Variants in MYCBP2 observed in about 807,000 individuals in gnomAD.
MYCBP2 encodes E3 ubiquitin-protein ligase MYCBP2.
MYCBP2 carries 120 observed loss-of-function variants against 525.3 expected under a neutral mutation model. That is an observed-to-expected ratio of 0.23 (90% CI 0.20 to 0.27). The LOEUF (loss-of-function observed/expected upper bound fraction) is 0.27. MYCBP2 is among the 10% of genes least tolerant of loss of function. MYCBP2 has a pLI of 1.00. For missense variants in MYCBP2, 4,149 were observed against 5,657.1 expected (o/e 0.73, Z 8.55); for synonymous variants, 1,894 against 1,955.8 (o/e 0.97, Z 0.83).
chr13:77,161,861 T>C, intron 44 of MYCBP2, 45 bp downstream of exon 44: 1 of 1,474,948 alleles, frequency 6.8e-7, no homozygotes, highest in Non-Finnish European at 9.4e-7. Flanking sequence ...CAATACTTTT[T>C]AAATTAATGT....
rs764727887 is a variant in MYCBP2, at chr13:77,217,978, G to T, written c.2940-21C>A. ...ATCCCCTAGGTTAAAAAAAAAAAAA[G>T]TAAGTCAATTTCTTACAAAACTCAA... On this transcript the variant is annotated intron_variant, in intron 20 of 82. Coordinates refer to ENST00000544440, the MANE Select transcript of MYCBP2 (RefSeq NM_015057.5). 15 of 1,312,628 alleles carry T rather than the reference G, an allele frequency of 1.1e-5. No homozygotes were observed. The African/African-American group carries it at 1.8e-4, about 16-fold the overall frequency. 81.3% of individuals were successfully genotyped at this position (1,312,628 alleles called of 1,614,324 possible). A position where few individuals can be genotyped will look rare whatever the true frequency, so the allele number is the denominator to read the frequency against.
chr13:77,047,885 C>T (rs1011811227), intron 82 of MYCBP2, among the ~76,000 whole-genome samples: 1 of 152,096 alleles, frequency 6.6e-6, no homozygotes, highest in African/African-American at 2.4e-5. Context: ...CTTTCCAGTC[C>T]ATAAAAACCC....
intron 4 of MYCBP2, among the ~76,000 whole-genome samples, chr13:77,278,119 T>C (rs911177945): frequency 5.9e-5 from 9 of 152,200 alleles, no homozygotes; most frequent in Non-Finnish European, 1.0e-4. Flanking sequence ...TTATTTATGA[T>C]GAATACAAAA....
chr13:77,164,063 T>A (rs1478623680), intron 43 of MYCBP2, among the ~76,000 whole-genome samples: 1 of 152,248 alleles, frequency 6.6e-6, no homozygotes, highest in African/African-American at 2.4e-5. Flanking sequence ...CATATTCAAT[T>A]ACATTTCTAT....
At chr13:77,237,707 C>T (rs2068134074) in intron 17 of MYCBP2, among the ~76,000 whole-genome samples, 1 of 152,058 alleles carries the variant, frequency 6.6e-6, no homozygotes. Context: ...ACACCAATAT[C>T]TATCACAGTA....
chr13:77,118,271 T>C (rs950083799), intron 55 of MYCBP2: 2 of 641,452 alleles, frequency 3.1e-6, no homozygotes, highest in African/African-American at 3.6e-5. Flanking sequence ...AACTAATTAG[T>C]AACTGATAAG....
chr13:77,158,234 C>T (rs2057449138), intron 44 of MYCBP2, 125 bp from the exon 45 acceptor site: 3 of 511,778 alleles, frequency 5.9e-6, no homozygotes, highest in Non-Finnish European at 6.4e-6. Context: ...ACGTACCCCA[C>T]TGTTCCTTCT....
chr13:77,221,915 C>T (rs531931692), intron 20 of MYCBP2, among the ~76,000 whole-genome samples: 1 of 152,236 alleles, frequency 6.6e-6, no homozygotes, highest in South Asian at 2.1e-4. Flanking sequence ...AACTACACAT[C>T]CTCCTGTATA....
chr13:77,177,998 T>A, intron 34 of MYCBP2, 44 bp from the exon 35 acceptor site: 1 of 1,171,756 alleles, frequency 8.5e-7, no homozygotes, highest in Non-Finnish European at 1.3e-6. Context: ...GGTATACCTT[T>A]AACAAAACCA....
At chr13:77,224,358 A>G (rs2065973834) in intron 20 of MYCBP2, 93 bp downstream of exon 20, 2 of 781,586 alleles carry the variant, frequency 2.6e-6, no homozygotes, top group Admixed American at 2.7e-5. Flanking sequence ...TTCTAGAAAT[A>G]TATACTTAAA....
intron 32 of MYCBP2, 82 bp downstream of exon 32, chr13:77,185,021 T>C (rs912111017): frequency 1.6e-6 from 2 of 1,251,972 alleles, no homozygotes; most frequent in South Asian, 1.5e-5. Context: ...GTTAAGAAGA[T>C]ATGGCAACTG....
rs369203327 is a variant in MYCBP2, at chr13:77,166,389, T to C, written c.6280A>G (p.Ile2094Val). Residue 2094 changes from isoleucine (I) to valine (V), a missense_variant, in exon 41 of 83, where the codon ATA becomes GTA. Around this residue, in one of 21 missense-constraint regions of MYCBP2, gnomAD observed 692 missense variants for 852.7 expected, o/e 0.81. Coordinates refer to ENST00000544440, the MANE Select transcript of MYCBP2 (RefSeq NM_015057.5). Reference sequence around the variant, plus strand: ...GATCCTGAAAATTTCTTTAATTCTATCCATGAATTAAGATTTTCATGAACA... The same window carrying C: ...GATCCTGAAAATTTCTTTAATTCTACCCATGAATTAAGATTTTCATGAACA... ...TSVHENLNSW[I>V]ELKKFSGSSG... The C allele has an allele frequency of 1.6e-5, 26 of 1,614,026 alleles. No individual in the cohort carries two copies. In the East Asian group the frequency reaches 2.2e-4, roughly 14 times the overall value.
intron 55 of MYCBP2, chr13:77,118,218 G>T: frequency 1.7e-6 from 1 of 586,672 alleles, no homozygotes; most frequent in East Asian, 2.8e-5. Context: ...AATGTGGGAG[G>T]GGATAACATC....
intron 53 of MYCBP2, 121 bp downstream of exon 53, chr13:77,126,197 G>GATAAA (rs1694847142): frequency 1.4e-6 from 1 of 731,778 alleles, no homozygotes; most frequent in African/African-American, 1.8e-5. Context: ...TACAAGTAAA[G>GATAAA]ATAAAATACA....
chr13:77,138,006 G>A (rs886603067), intron 52 of MYCBP2, among the ~76,000 whole-genome samples: 13 of 152,126 alleles, frequency 8.5e-5, no homozygotes, highest in Non-Finnish European at 1.8e-4. Context: ...CTTTCATAGA[G>A]GGTCAAAATC....
intron 26 of MYCBP2, among the ~76,000 whole-genome samples, chr13:77,202,526 C>T (rs1281956660): frequency 2.6e-5 from 4 of 151,992 alleles, no homozygotes; most frequent in Non-Finnish European, 4.4e-5. Context: ...AAGAGGGAAT[C>T]CTCCCTAACT....
At chr13:77,258,397 A>T (rs2072622033) in intron 13 of MYCBP2, among the ~76,000 whole-genome samples, 1 of 152,190 alleles carries the variant, frequency 6.6e-6, no homozygotes, top group African/African-American at 2.4e-5. Flanking sequence ...AGTGCCACTC[A>T]TATTATCTAT....
In MYCBP2 at chr13:77,057,209, A is replaced by C; in HGVS notation, c.13330-116T>G. 4.6e-6 allele frequency: 3 copies of C among 656,924 alleles called. No individual in the cohort carries two copies. The South Asian group carries it at 6.3e-5, about 14-fold the overall frequency. The allele number at this position is 656,924 out of a possible 1,614,324, so 40.7% of individuals were successfully genotyped here. Reference sequence around the variant, plus strand: ...AAAGCAGGTAAGAGAAAAATCAAGAAATTTACTATAATGAAAATTCATTGG... The same window carrying C: ...AAAGCAGGTAAGAGAAAAATCAAGACATTTACTATAATGAAAATTCATTGG... On this transcript the variant is annotated intron_variant, in intron 78 of 82. Coordinates refer to ENST00000544440, the MANE Select transcript of MYCBP2 (RefSeq NM_015057.5).
intron 26 of MYCBP2, among the ~76,000 whole-genome samples, chr13:77,199,899 C>T (rs932057127): frequency 6.6e-6 from 1 of 152,152 alleles, no homozygotes; most frequent in Non-Finnish European, 1.5e-5. Flanking sequence ...TGTACATCAC[C>T]ATCATCAAAG....
Sources: gnomAD v4.1 joint callset for allele counts (sites outside exome capture counted in the v4.1 genomes callset) on GRCh38, gnomAD v4.1.1 for gene constraint, gnomAD v4.1.1 regional missense constraint, MANE v1.5 for transcripts, NCBI Gene and HGNC (gene_info 2026-07-23, HGNC 2026-07-21) for gene names.